The following ANK2 variants were observed in gnomAD, a reference collection of about 807,000 sequenced individuals.
The protein encoded by ANK2 is ankyrin 2.
ANK2 carries 83 observed loss-of-function variants against 360.5 expected under a neutral mutation model. That is an observed-to-expected ratio of 0.23 (90% CI 0.19 to 0.28). The LOEUF is 0.28. Among genes scored for constraint, ANK2 ranks in the 10% least tolerant of loss-of-function variants. The probability of loss-of-function intolerance (pLI) is 1.00; values close to 1 mark genes in which losing one functional copy is unlikely to be tolerated. For synonymous variants in ANK2, 1,740 were observed against 1,759.5 expected, an observed-to-expected ratio of 0.99 and a Z score of 0.28; for missense variants, 4,201 against 4,795.7, an observed-to-expected ratio of 0.88 and a Z score of 3.66.
intron 2 of ANK2, 59 bp downstream of exon 2, chr4:113,174,576 A>C: frequency 2.1e-4 from 259 of 1,222,616 alleles, no homozygotes; most frequent in Non-Finnish European, 2.8e-4. Context: ...TTACATTCTC[A>C]GAGCCCAAGA....
chr4:113,356,380 A>G lies in ANK2; in HGVS notation c.7762A>G (p.Met2588Val), dbSNP rs773020228. 6.2e-7 allele frequency: 1 copy of G among 1,614,158 alleles called. No homozygotes were observed. Among genetic ancestry groups the G allele is most frequent in the Non-Finnish European group, 8.5e-7 (1 of 1,180,004 alleles). ...EKKRFTPEEEMFKMVTKIKMF... is the reference protein window; with the variant it reads ...EKKRFTPEEEVFKMVTKIKMF... ...AAAGAGGTTCACACCTGAAGAGGAG[A>G]TGTTTAAAATGGTAACCAAAATCAA... The change falls in exon 38 of 46, where the codon ATG becomes GTG. Residue 2588 changes from methionine to valine, a missense_variant. By Grantham distance (21) the Met-to-Val change is conservative. This residue lies in a region of ANK2 where 2,642 missense variants were observed against 2,714.5 expected (regional missense o/e 0.97). Coordinates refer to ENST00000357077, the MANE Select transcript of ANK2 (RefSeq NM_001148.6).
At chr4:112,959,360 A>G (rs1054544724) in intron 2 of ANK2, among the ~76,000 whole-genome samples, 1 of 152,310 alleles carries the variant, frequency 6.6e-6, no homozygotes, top group South Asian at 2.1e-4. Context: ...AACAGGCTCC[A>G]TTATAAGGTG....
intron 2 of ANK2, among the ~76,000 whole-genome samples, chr4:112,951,623 A>AG (rs1388111691): frequency 6.6e-6 from 1 of 151,676 alleles, no homozygotes. Context: ...TTTTCCCCGA[A>AG]GGTAGCTCTT....
intron 1 of ANK2, chr4:113,117,158 T>C: frequency 2.6e-6 from 1 of 385,984 alleles, no homozygotes; most frequent in South Asian, 2.0e-5. Flanking sequence ...TGGATTATCT[T>C]GTGAGTGTTC....
At chr4:113,366,194 C>G (rs1338719222) in intron 41 of ANK2, among the ~76,000 whole-genome samples, 2 of 152,138 alleles carry the variant, frequency 1.3e-5, no homozygotes, top group Non-Finnish European at 1.5e-5. Flanking sequence ...TACTTCCTCT[C>G]TTCCCATTCC....
intron 22 of ANK2, among the ~76,000 whole-genome samples, chr4:113,298,306 A>G (rs1272220853): frequency 2.0e-5 from 3 of 152,190 alleles, no homozygotes; most frequent in Non-Finnish European, 4.4e-5. Context: ...GTATGTTTAG[A>G]AACAAAAACA....
At chr4:113,154,466 G>A (rs954592542) in intron 1 of ANK2, among the ~76,000 whole-genome samples, 2 of 152,118 alleles carry the variant, frequency 1.3e-5, no homozygotes, top group African/African-American at 2.4e-5. Flanking sequence ...GGAATTGAGG[G>A]CTAGTACAAT....
intron 2 of ANK2, among the ~76,000 whole-genome samples, chr4:113,000,777 T>C (rs2050323173): frequency 6.6e-6 from 1 of 152,290 alleles, no homozygotes; most frequent in South Asian, 2.1e-4. Context: ...ATTTCCTTCA[T>C]GTGGATCCTT....
intron 2 of ANK2, among the ~76,000 whole-genome samples, chr4:112,912,126 A>G (rs1489310084): frequency 6.6e-6 from 1 of 151,862 alleles, no homozygotes; most frequent in African/African-American, 2.4e-5. Context: ...GCAGTGAGCC[A>G]AGATCGTGCC....
chr4:113,168,732 G>C (rs1380445652), intron 1 of ANK2, among the ~76,000 whole-genome samples: 1 of 152,198 alleles, frequency 6.6e-6, no homozygotes, highest in African/African-American at 2.4e-5. Flanking sequence ...AAAAATCCTA[G>C]TATATCCAGC....
chr4:113,362,871 C>G (rs956805784), intron 39 of ANK2, among the ~76,000 whole-genome samples: 3 of 152,108 alleles, frequency 2.0e-5, no homozygotes, highest in African/African-American at 7.2e-5. Flanking sequence ...AGGCATTTAT[C>G]CAACCACCAT....
At chr4:113,030,582 CAG>C (rs1247103747) in intron 2 of ANK2, among the ~76,000 whole-genome samples, 4 of 151,918 alleles carry the variant, frequency 2.6e-5, no homozygotes, top group Admixed American at 2.6e-4. Context: ...GGATTGGACT[CAG>C]TGCGAGAAAT....
At chr4:112,958,980 C>T (rs1032723916) in intron 2 of ANK2, among the ~76,000 whole-genome samples, 1 of 152,038 alleles carries the variant, frequency 6.6e-6, no homozygotes, top group African/African-American at 2.4e-5. Context: ...TCCTGAGTAG[C>T]TGGGATTACA....
intron 26 of ANK2, among the ~76,000 whole-genome samples, chr4:113,323,970 T>C (rs967173635): frequency 6.6e-6 from 1 of 152,138 alleles, no homozygotes; most frequent in African/African-American, 2.4e-5. Context: ...CCTTTCTCTG[T>C]GATGAAGAGA....
At chr4:113,029,032 A>G (rs914257685) in intron 2 of ANK2, among the ~76,000 whole-genome samples, 2 of 152,140 alleles carry the variant, frequency 1.3e-5, no homozygotes, top group East Asian at 3.9e-4. Context: ...AGACCTGATC[A>G]TATCTGGTGT....
chr4:113,367,816 T>C lies in ANK2; in HGVS notation c.11283T>C (p.Pro3761=). The stretch of plus-strand genomic sequence containing the variant: ...TCTCAGGGAAAATGCAAGACCTGCC[T>C]GAAGAGTCATCTCTGGAATATCAGC... The part of the protein sequence containing the change: ...QDFSGKMQDL[P]EESSLEYQQE... Residue 3761 remains proline, a synonymous_variant, in exon 42 of 46, where the codon CCT becomes CCC. Transcript: ENST00000357077. 3.1e-6 allele frequency: 5 copies of C among 1,614,148 alleles called. No individual in the cohort carries two copies. The highest frequency in any genetic ancestry group is 4.2e-6 in the Non-Finnish European group (5 of 1,179,988).
intron 2 of ANK2, among the ~76,000 whole-genome samples, chr4:113,027,227 A>G (rs28652779): frequency 0.015 from 2,224 of 152,082 alleles, 40 homozygotes; most frequent in African/African-American, 0.04. Flanking sequence ...TTTGGGTGGG[A>G]TGATTAATAA....
At chr4:112,818,745 C>A (rs1381553197) in intron 1 of ANK2, among the ~76,000 whole-genome samples, 1 of 152,106 alleles carries the variant, frequency 6.6e-6, no homozygotes, top group African/African-American at 2.4e-5. Context: ...CGGGGGTGAA[C>A]CAGCAGTAAA....
chr4:112,776,431 C>G, the ANK2 span, among the ~76,000 whole-genome samples: 2 of 152,138 alleles, frequency 1.3e-5, no homozygotes, highest in African/African-American at 4.8e-5. Flanking sequence ...GTGAGCTTGA[C>G]AAGGTTTGTA....
Sources: allele counts gnomAD v4.1 joint callset (sites outside exome capture counted in the v4.1 genomes callset), GRCh38; gene constraint gnomAD v4.1.1; regional missense constraint gnomAD v4.1.1; transcripts MANE v1.5; gene names NCBI Gene and HGNC (gene_info 2026-07-23, HGNC 2026-07-21).